ARHGAP30: variants seen among roughly 807,000 people sequenced by gnomAD.
ARHGAP30 encodes rho GTPase-activating protein 30.
In ARHGAP30, 23 loss-of-function variants were observed where a neutral mutation model predicts 72.0. The observed-to-expected ratio is 0.32, with a 90% CI of 0.23 to 0.45. The LOEUF is 0.45. ARHGAP30 is among the 20% of genes least tolerant of loss of function. The probability of loss-of-function intolerance (pLI) is 1.00; values close to 1 mark genes in which losing one functional copy is unlikely to be tolerated. For synonymous variants in ARHGAP30, 576 were observed against 528.2 expected (o/e 1.09, Z -1.24); for missense variants, 1,319 against 1,383.4 (o/e 0.95, Z 0.74).
chr1:161,058,080 G>A (rs1437911355), intron 2 of ARHGAP30, among the ~76,000 whole-genome samples: 1 of 152,102 alleles, frequency 6.6e-6, no homozygotes, highest in Non-Finnish European at 1.5e-5. Flanking sequence ...GAACCCGCAA[G>A]GTGGAGGTTG....
At position 161,047,992 on chromosome 1, in the gene ARHGAP30, G is replaced by T. The variant is rs769853960; in HGVS notation, c.3029C>A (p.Thr1010Asn). 6.1e-5 allele frequency: 99 copies of T among 1,614,050 alleles called. No individual in the cohort carries two copies. The highest frequency in any genetic ancestry group is 8.0e-5 in the Non-Finnish European group (94 of 1,180,024). Reference protein sequence around the residue: ...AVALARDRQRTEAQGVRRTQT... With the variant: ...AVALARDRQRNEAQGVRRTQT... ...GGTTCGCCGAACTCCTTGAGCCTCA[G>T]TCCTTTGGCGGTCCCGGGCTAGGGC... Residue 1010 changes from threonine (T) to asparagine (N), a missense_variant, in exon 12 of 12, where the codon ACT becomes AAT. This residue lies in a region of ARHGAP30 where 1,097 missense variants were observed against 1,045.2 expected (regional missense o/e 1.05). Transcript: ENST00000368013.
rs777355999 is a variant in ARHGAP30 at position 161,052,609 on chromosome 1, C to A, written c.836+17G>T. ...AAGGTCGGTGCAGGGGAGGAAGGCC[C>A]AGGAAGGAGGCCTTACTTGTGCTCT... On this transcript the variant is annotated intron_variant, in intron 7 of 11. Coordinates refer to ENST00000368013, the MANE Select transcript of ARHGAP30 (RefSeq NM_001025598.2). 6.2e-7 allele frequency: 1 copy of A among 1,613,752 alleles called. No individual in the cohort carries two copies. The highest frequency in any genetic ancestry group is 8.5e-7 in the Non-Finnish European group (1 of 1,179,810).
At chr1:161,050,471 T>G (rs955077198) in intron 10 of ARHGAP30, among the ~76,000 whole-genome samples, 1 of 150,570 alleles carries the variant, frequency 6.6e-6, no homozygotes, top group African/African-American at 2.4e-5. Context: ...CCTGGCTAAT[T>G]TTTTTTTAAT....
Position 161,049,615 on chromosome 1 carries a change from C to G in ARHGAP30, c.1495G>C (p.Glu499Gln). Residue 499 changes from glutamate (E) to glutamine (Q), a missense_variant, in exon 11 of 12, where the codon GAG (glutamate) becomes CAG (glutamine). Physicochemically the swap from Glu to Gln is conservative, Grantham distance 29. Around this residue, in one of 2 missense-constraint regions of ARHGAP30, gnomAD observed 1,097 missense variants for 1,045.2 expected, o/e 1.05. Transcript: ENST00000368013. ...SGPDDLAPALEDSLSQEVQDS... is the reference protein window; with the variant it reads ...SGPDDLAPALQDSLSQEVQDS... ...TGCACCTCCTGGGACAGCGAGTCCT[C>G]CAGGGCAGGAGCCAAGTCGTCTGGG... 1 of 1,614,080 alleles carries G rather than the reference C, an allele frequency of 6.2e-7. No individual in the cohort carries two copies. The highest frequency in any genetic ancestry group is 8.5e-7 in the Non-Finnish European group (1 of 1,179,988).
Position 161,048,299 on chromosome 1 carries a change from C to G in ARHGAP30, c.2722G>C (p.Gly908Arg). ...CCAAGAGAACAGGGGCATAGACAGC[C>G]GTCTGGACTGGGCTGCCCCTCAGGC... ...MEPEGQPSPD[G>R]CLCPCSLGLG... The change falls in exon 12 of 12, where the codon GGC becomes CGC. Residue 908 changes from glycine to arginine, a missense_variant. By Grantham distance (125) the Gly-to-Arg change is moderately radical. Transcript: ENST00000368013. 1 of 1,614,188 alleles carries G rather than the reference C, an allele frequency of 6.2e-7. No homozygotes were observed. Among genetic ancestry groups the G allele is most frequent in the Non-Finnish European group, 8.5e-7 (1 of 1,180,014 alleles).
chr1:161,048,988 C>T lies in ARHGAP30; in HGVS notation c.2033G>A (p.Ser678Asn). The T allele has an allele frequency of 6.2e-7, 1 of 1,613,866 alleles. No homozygotes were observed. The highest frequency in any genetic ancestry group is 1.1e-5 in the South Asian group (1 of 91,088). ...RLDIREEAEGSPETKVEAGKA... is the reference protein window; with the variant it reads ...RLDIREEAEGNPETKVEAGKA... ...TCCAGCCTCCACCTTGGTCTCTGGA[C>T]TTCCCTCTGCCTCTTCCCTGATGTC... The change falls in exon 12 of 12, where the codon AGT (serine) becomes AAT (asparagine). Residue 678 changes from serine to asparagine, a missense_variant. By Grantham distance (46) the Ser-to-Asn change is conservative. This residue lies in a region of ARHGAP30 where 1,097 missense variants were observed against 1,045.2 expected (regional missense o/e 1.05). Coordinates refer to ENST00000368013, the MANE Select transcript of ARHGAP30 (RefSeq NM_001025598.2).
chr1:161,055,752 C>A (rs1050868995), intron 3 of ARHGAP30, among the ~76,000 whole-genome samples: 1 of 148,594 alleles, frequency 6.7e-6, no homozygotes, highest in Non-Finnish European at 1.5e-5. Flanking sequence ...CCACTATACT[C>A]CAGCCTGGGC....
At position 161,049,095 on chromosome 1, in the gene ARHGAP30, C is replaced by T; in HGVS notation, c.1926G>A (p.Arg642=). 1 of 1,614,150 alleles carries T rather than the reference C, an allele frequency of 6.2e-7. No homozygotes were observed. The highest frequency in any genetic ancestry group is 8.5e-7 in the Non-Finnish European group (1 of 1,180,014). ...SLEGEAAGCG[R]QALGQGGEEQ... is the part of the protein sequence containing the mutation. ...CTTCCCCACCCTGTCCCAGAGCCTGCCTTCCACATCCTGCTGCCTCTCCCT... is the reference window on the plus strand; with the variant it reads ...CTTCCCCACCCTGTCCCAGAGCCTGTCTTCCACATCCTGCTGCCTCTCCCT... Residue 642 remains arginine, a synonymous_variant, in exon 12 of 12, where the codon AGG becomes AGA. Transcript: ENST00000368013.
Position 161,056,543 on chromosome 1 carries a change from G to A in ARHGAP30, c.201-11C>T, listed in dbSNP as rs201738755. On this transcript the variant is annotated splice_polypyrimidine_tract_variant and intron_variant, in intron 2 of 11. Transcript: ENST00000368013. Reference sequence around the variant, plus strand: ...GACTCAAATTCCTGCCTGGGGAGGCGCGGTGTGGTCAGGAGTGGTAGGGGT... The same window carrying A: ...GACTCAAATTCCTGCCTGGGGAGGCACGGTGTGGTCAGGAGTGGTAGGGGT... 176 of 1,610,696 alleles carry A rather than the reference G, an allele frequency of 1.1e-4. No individual in the cohort carries two copies. In the African/African-American group the frequency reaches 1.7e-3, roughly 16 times the overall value.
intron 1 of ARHGAP30, among the ~76,000 whole-genome samples, chr1:161,062,900 C>T (rs1278256608): frequency 2.0e-5 from 3 of 151,894 alleles, no homozygotes; most frequent in East Asian, 2.0e-4. Context: ...CCACAACCTC[C>T]GCCTCCCAGG....
At chr1:161,063,475 TCTTTA>T (rs1336800633) in intron 1 of ARHGAP30, among the ~76,000 whole-genome samples, 4 of 152,266 alleles carry the variant, frequency 2.6e-5, no homozygotes, top group African/African-American at 4.8e-5. Flanking sequence ...CCTATGCCTG[TCTTTA>T]CTTTAGTCTC....
intron 1 of ARHGAP30, among the ~76,000 whole-genome samples, chr1:161,065,091 C>T (rs961902839): frequency 1.3e-5 from 2 of 152,116 alleles, no homozygotes; most frequent in Non-Finnish European, 2.9e-5. Context: ...TCTGGTGCCT[C>T]AGCCTCCTGA....
At chr1:161,064,496 T>A (rs1373747781) in intron 1 of ARHGAP30, among the ~76,000 whole-genome samples, 2 of 152,072 alleles carry the variant, frequency 1.3e-5, no homozygotes, top group East Asian at 3.9e-4. Flanking sequence ...TGGCAGCTCA[T>A]GCCTGTAATC....
rs1166924150 is a variant in ARHGAP30 at position 161,055,843 on chromosome 1, AAATAAAATAAAAT to A, written c.345+532_345+544del. Among the ~76,000 whole-genome samples the A allele has an allele frequency of 6.6e-3, 51 of 7,704 alleles. 1 individual carries two copies. Among genetic ancestry groups the A allele is most frequent in the Non-Finnish European group, 1.0e-2 (35 of 3,516 alleles). 5.1% of individuals were successfully genotyped at this position (7,704 alleles called of 152,430 possible). A position where few individuals can be genotyped will look rare whatever the true frequency, so the allele number is the denominator to read the frequency against. ...AAAATAAAATAAAATAAAATAAAAT[AAATAAAATAAAAT>A]AAATAAAATAAAATAAAATAAAATA... On this transcript the variant is annotated intron_variant, in intron 3 of 11. Coordinates refer to ENST00000368013, the MANE Select transcript of ARHGAP30 (RefSeq NM_001025598.2).
At chr1:161,066,523 A>T (rs1243222104) in intron 1 of ARHGAP30, among the ~76,000 whole-genome samples, 1 of 151,376 alleles carries the variant, frequency 6.6e-6, no homozygotes, top group African/African-American at 2.4e-5. Flanking sequence ...TGGTGCCTGT[A>T]GTCCCAGCTA....
chr1:161,057,505 G>A (rs1041897120), intron 2 of ARHGAP30, among the ~76,000 whole-genome samples: 8 of 152,162 alleles, frequency 5.3e-5, no homozygotes, highest in Non-Finnish European at 1.0e-4. Flanking sequence ...AGGGGAGGCG[G>A]CTCATGCCTG....
At chr1:161,052,199 TGA>T in intron 9 of ARHGAP30, 85 bp downstream of exon 9, 1 of 1,449,696 alleles carries the variant, frequency 6.9e-7, no homozygotes, top group Admixed American at 1.7e-5. Context: ...TTGAAATTAT[TGA>T]ACACAGTTGG....
chr1:161,050,930 C>T (rs1651311218), intron 10 of ARHGAP30, among the ~76,000 whole-genome samples: 3 of 152,212 alleles, frequency 2.0e-5, no homozygotes, highest in Admixed American at 1.3e-4. Flanking sequence ...GCATGAGCCA[C>T]GGCGCCTGGC....
chr1:161,047,519 A>T lies in ARHGAP30; in HGVS notation c.*196T>A. Reference sequence around the variant, plus strand: ...TTTCTTGGGAATCTCCTAAGAGATAAGTGCTTTGTGTCGGAGACAAGTTCA... The same window carrying T: ...TTTCTTGGGAATCTCCTAAGAGATATGTGCTTTGTGTCGGAGACAAGTTCA... On this transcript the variant is annotated 3_prime_UTR_variant, in exon 12 of 12. Coordinates refer to ENST00000368013, the MANE Select transcript of ARHGAP30 (RefSeq NM_001025598.2). 1 of 449,118 alleles carries T rather than the reference A, an allele frequency of 2.2e-6. No homozygotes were observed. The highest frequency in any genetic ancestry group is 3.8e-6 in the Non-Finnish European group (1 of 265,044). The allele number at this position is 449,118 out of a possible 1,614,324, so 27.8% of individuals were successfully genotyped here. A position where few individuals can be genotyped will look rare whatever the true frequency, so the allele number is the denominator to read the frequency against.
Sources: gnomAD v4.1 joint callset for allele counts (sites outside exome capture counted in the v4.1 genomes callset) on GRCh38, gnomAD v4.1.1 for gene constraint, gnomAD v4.1.1 regional missense constraint, MANE v1.5 for transcripts, NCBI Gene and HGNC (gene_info 2026-07-23, HGNC 2026-07-21) for gene names.